PITPNB: variants seen among roughly 807,000 people sequenced by gnomAD.
The protein encoded by PITPNB is phosphatidylinositol transfer protein beta, also known as phosphatidylinositol transfer protein beta isoform.
In PITPNB, 16 loss-of-function variants were observed where a neutral mutation model predicts 45.9. That is an observed-to-expected ratio of 0.35 (90% CI 0.24 to 0.53). The LOEUF is 0.53. PITPNB is among the 20% of genes least tolerant of loss of function. The pLI is 0.93. For synonymous variants in PITPNB, 112 were observed against 108.9 expected, an observed-to-expected ratio of 1.03 and a Z score of -0.18; for missense variants, 188 against 330.5, an observed-to-expected ratio of 0.57 and a Z score of 3.34.
At chr22:27,858,945 C>A (rs1934244278) in intron 9 of PITPNB, among the ~76,000 whole-genome samples, 1 of 152,158 alleles carries the variant, frequency 6.6e-6, no homozygotes, top group Middle Eastern at 3.4e-3. Context: ...GAAAAGAGTC[C>A]TGGGTTCTTT....
At chr22:27,853,729 C>T (rs1028641707) in intron 11 of PITPNB, 66 bp from the exon 12 acceptor site, 5 of 1,074,734 alleles carry the variant, frequency 4.7e-6, no homozygotes, top group East Asian at 2.6e-5. Context: ...GTTAGCAGCT[C>T]GTCACACACA....
intron 8 of PITPNB, among the ~76,000 whole-genome samples, chr22:27,866,332 T>C (rs1934484031): frequency 6.6e-6 from 1 of 152,186 alleles, no homozygotes; most frequent in Non-Finnish European, 1.5e-5. Flanking sequence ...CAAGCCTGAG[T>C]CATGTTTTTA....
At chr22:27,857,924 G>A (rs1934218564) in intron 10 of PITPNB, among the ~76,000 whole-genome samples, 1 of 151,840 alleles carries the variant, frequency 6.6e-6, no homozygotes, top group Non-Finnish European at 1.5e-5. Flanking sequence ...AAGCAGAGGA[G>A]GCATTTCCAG....
Position 27,911,092 on chromosome 22 carries a change from A to C in PITPNB, c.69T>G (p.Leu23=). 6.2e-7 allele frequency: 1 copy of C among 1,613,226 alleles called. No individual in the cohort carries two copies. Among genetic ancestry groups the C allele is most frequent in the Non-Finnish European group, 8.5e-7 (1 of 1,179,238 alleles). The part of the protein sequence containing the change: ...CSVQEYQVGQ[L]YSVAEASKNE... ...TCTTACTAGCTTCTGCAACAGAGTA[A>C]AGCTGCCCAACCTGATACTGAAATT... Residue 23 remains leucine (L), a synonymous_variant, in exon 3 of 12, where the codon CTT becomes CTG. Coordinates refer to ENST00000335272, the MANE Select transcript of PITPNB (RefSeq NM_012399.5).
At chr22:27,856,593 GT>G (rs1348379662) in intron 10 of PITPNB, among the ~76,000 whole-genome samples, 1 of 152,206 alleles carries the variant, frequency 6.6e-6, no homozygotes, top group Admixed American at 6.5e-5. Flanking sequence ...TTATCACCTG[GT>G]CAATGGTAAC....
intron 9 of PITPNB, 101 bp downstream of exon 9, chr22:27,860,030 C>T (rs1160433701): frequency 3.0e-6 from 2 of 677,616 alleles, no homozygotes; most frequent in African/African-American, 1.8e-5. Flanking sequence ...ATTTTCATAT[C>T]ATAAAGGAGG....
At chr22:27,909,207 C>CTTTTTTTTTTTTTTTTTTTTT (rs34224616) in intron 3 of PITPNB, among the ~76,000 whole-genome samples, 44 of 82,232 alleles carry the variant, frequency 5.4e-4, no homozygotes, top group South Asian at 2.7e-3. Flanking sequence ...ACTGGTAGTA[C>CTTTTTTTTTTTTTTTTTTTTT]TTTTTTTTTT....
rs1934284841 is a variant in PITPNB, at chr22:27,860,219, T to C, written c.557A>G (p.Asp186Gly). The C allele has an allele frequency of 1.9e-6, 3 of 1,612,332 alleles. No individual in the cohort carries two copies. Among genetic ancestry groups the C allele is most frequent in the Non-Finnish European group, 2.5e-6 (3 of 1,178,614 alleles). ...NWKKELANSP[D>G]CPQMCAYKLV... ...CTTATAGGCACACATCTGGGGACAG[T>C]CAGGGCTGTTTGCCAGCTCCTTCTA... is the stretch of plus-strand genomic sequence containing the variant. Residue 186 changes from aspartate to glycine, a missense_variant, in exon 9 of 12, where the codon GAC (aspartate) becomes GGC (glycine). Asp to Gly is a moderately conservative substitution (Grantham distance 94, BLOSUM62 -1). Transcript: ENST00000335272.
At chr22:27,905,322 G>A (rs1935725390) in intron 3 of PITPNB, among the ~76,000 whole-genome samples, 1 of 151,972 alleles carries the variant, frequency 6.6e-6, no homozygotes, top group South Asian at 2.1e-4. Context: ...TAAATTTTTT[G>A]TATTTTTAGT....
intron 7 of PITPNB, among the ~76,000 whole-genome samples, chr22:27,886,566 A>G (rs1935128052): frequency 1.3e-5 from 2 of 152,356 alleles, no homozygotes; most frequent in South Asian, 4.1e-4. Flanking sequence ...ATGGTGAAGT[A>G]TAGTTCATAA....
At chr22:27,915,340 A>G (rs1000221739) in intron 1 of PITPNB, among the ~76,000 whole-genome samples, 5 of 151,960 alleles carry the variant, frequency 3.3e-5, no homozygotes, top group African/African-American at 1.2e-4. Context: ...TTTTTCTTGC[A>G]GTAAGAGTCA....
chr22:27,907,861 T>C (rs145443308), intron 3 of PITPNB, among the ~76,000 whole-genome samples: 390 of 152,088 alleles, frequency 2.6e-3, no homozygotes, highest in African/African-American at 8.2e-3. Context: ...ATGAATATTG[T>C]CTATTTCTCA....
At chr22:27,883,474 T>C (rs1935031812) in intron 7 of PITPNB, among the ~76,000 whole-genome samples, 1 of 152,224 alleles carries the variant, frequency 6.6e-6, no homozygotes, top group Non-Finnish European at 1.5e-5. Flanking sequence ...TAATAATGTA[T>C]ACTAGAATGC....
At chr22:27,905,081 CAT>C (rs1211229918) in intron 3 of PITPNB, among the ~76,000 whole-genome samples, 8 of 152,324 alleles carry the variant, frequency 5.3e-5, no homozygotes, top group Middle Eastern at 3.4e-3. Context: ...TGACAAATAA[CAT>C]GTGTCTATGA....
At chr22:27,897,994 T>C (rs1253216881) in intron 3 of PITPNB, 102 bp from the exon 4 acceptor site, 1 of 757,384 alleles carries the variant, frequency 1.3e-6, no homozygotes, top group Non-Finnish European at 2.4e-6. Flanking sequence ...GGTGACCAGG[T>C]TCTAAGTCTG....
chr22:27,905,709 C>T (rs529539238), intron 3 of PITPNB, among the ~76,000 whole-genome samples: 77 of 152,240 alleles, frequency 5.1e-4, no homozygotes, highest in African/African-American at 1.8e-3. Flanking sequence ...TTTATAAATT[C>T]CCCATCAATC....
At chr22:27,853,705 CA>C in intron 11 of PITPNB, 42 bp from the exon 12 acceptor site, 1 of 1,416,506 alleles carries the variant, frequency 7.1e-7, no homozygotes, top group Non-Finnish European at 9.8e-7. Flanking sequence ...TGTTAAAATA[CA>C]GAGACAGGAA....
chr22:27,883,209 T>C (rs1601401294), intron 7 of PITPNB, among the ~76,000 whole-genome samples: 1 of 152,166 alleles, frequency 6.6e-6, no homozygotes, highest in Admixed American at 6.5e-5. Flanking sequence ...AATCAACATA[T>C]TGCAAAGGAA....
At chr22:27,903,467 C>CAA (rs71194750) in intron 3 of PITPNB, among the ~76,000 whole-genome samples, 3,015 of 81,218 alleles carry the variant, frequency 0.037, 133 homozygotes, top group African/African-American at 0.12. Context: ...GAAACTGTCT[C>CAA]AAAAAAAAAA....
Sources: gnomAD v4.1 joint callset for allele counts (sites outside exome capture counted in the v4.1 genomes callset) on GRCh38, gnomAD v4.1.1 for gene constraint, MANE v1.5 for transcripts, NCBI Gene and HGNC (gene_info 2026-07-23, HGNC 2026-07-21) for gene names.